The following FARS2 variants were observed in gnomAD, a reference collection of about 807,000 sequenced individuals.
FARS2 encodes the protein phenylalanyl-tRNA synthetase 2, mitochondrial, also known as phenylalanine--tRNA ligase, mitochondrial.
A neutral mutation model predicts 46.4 loss-of-function variants in FARS2; 40 were observed. The ratio of observed to expected loss-of-function variants is 0.86; its 90% CI spans 0.67 to 1.12. The LOEUF (loss-of-function observed/expected upper bound fraction) is 1.12. Ranked by LOEUF, FARS2 falls within the 50% of genes most tolerant of loss-of-function variation. The probability of loss-of-function intolerance (pLI) is 0.00; values close to 1 mark genes in which losing one functional copy is unlikely to be tolerated. For missense variants in FARS2, 513 were observed against 567.9 expected, an observed-to-expected ratio of 0.90 and a Z score of 0.98; for synonymous variants, 234 against 214.9, an observed-to-expected ratio of 1.09 and a Z score of -0.78.
chr6:5,536,782 C>T (rs1282309293), intron 4 of FARS2, among the ~76,000 whole-genome samples: 1 of 152,162 alleles, frequency 6.6e-6, no homozygotes, highest in East Asian at 1.9e-4. Context: ...CCAGGTTTCT[C>T]AGGAGAGAAT....
intron 4 of FARS2, among the ~76,000 whole-genome samples, chr6:5,537,505 C>T (rs1237915466): frequency 6.7e-6 from 1 of 148,688 alleles, no homozygotes; most frequent in African/African-American, 2.5e-5. Flanking sequence ...TGGAGATGTC[C>T]CGGGCCTCCT....
intron 1 of FARS2, among the ~76,000 whole-genome samples, chr6:5,271,813 G>A (rs187117100): frequency 2.6e-4 from 40 of 151,930 alleles, no homozygotes; most frequent in African/African-American, 8.9e-4. Flanking sequence ...TGCCCACCTC[G>A]GCCTCCCAAG....
intron 4 of FARS2, among the ~76,000 whole-genome samples, chr6:5,436,946 G>A (rs1277674681): frequency 1.3e-5 from 2 of 152,072 alleles, no homozygotes. Context: ...GATATTTAAA[G>A]TGTCCAGTTT....
intron 6 of FARS2, among the ~76,000 whole-genome samples, chr6:5,676,879 G>A (rs534041469): frequency 2.0e-5 from 3 of 152,244 alleles, no homozygotes; most frequent in Admixed American, 2.0e-4. Context: ...ACAGACTTGA[G>A]CCAACTTAAA....
At chr6:5,680,696 T>G (rs1414510279) in intron 6 of FARS2, among the ~76,000 whole-genome samples, 3 of 151,492 alleles carry the variant, frequency 2.0e-5, no homozygotes, top group African/African-American at 7.3e-5. Flanking sequence ...TAATTTTGTT[T>G]TCATGCACCT....
intron 6 of FARS2, among the ~76,000 whole-genome samples, chr6:5,614,096 AGGGCCAGGT>A (rs1215733950): frequency 6.6e-6 from 1 of 152,190 alleles, no homozygotes; most frequent in Non-Finnish European, 1.5e-5. Flanking sequence ...ATGTGTTTCC[AGGGCCAGGT>A]GGGCCTGGAA....
At chr6:5,747,863 A>G (rs372809637) in intron 6 of FARS2, among the ~76,000 whole-genome samples, 1 of 152,174 alleles carries the variant, frequency 6.6e-6, no homozygotes, top group Admixed American at 6.5e-5. Flanking sequence ...TACACCCAAG[A>G]TGCTTCTCTT....
chr6:5,580,804 C>T (rs1457812428), intron 5 of FARS2, among the ~76,000 whole-genome samples: 1 of 152,174 alleles, frequency 6.6e-6, no homozygotes, highest in African/African-American at 2.4e-5. Flanking sequence ...GCCCTCTTCA[C>T]GTCCACATTG....
At chr6:5,410,447 C>G (rs1761881247) in intron 3 of FARS2, among the ~76,000 whole-genome samples, 1 of 152,184 alleles carries the variant, frequency 6.6e-6, no homozygotes, top group Non-Finnish European at 1.5e-5. Context: ...CAGGCGTGAG[C>G]CACTGCACCT....
At chr6:5,662,688 T>C (rs1345746434) in intron 6 of FARS2, among the ~76,000 whole-genome samples, 1 of 152,234 alleles carries the variant, frequency 6.6e-6, no homozygotes, top group Non-Finnish European at 1.5e-5. Context: ...TGCAAATTAG[T>C]CAAGTGTTAA....
intron 1 of FARS2, among the ~76,000 whole-genome samples, chr6:5,328,597 C>T (rs1482181253): frequency 6.6e-6 from 1 of 151,952 alleles, no homozygotes; most frequent in Non-Finnish European, 1.5e-5. Context: ...CTCCGACATC[C>T]ACTAAGGCTA....
chr6:5,693,757 C>T lies in FARS2; in HGVS notation c.1218-77534C>T, dbSNP rs753239722. On this transcript the variant is annotated intron_variant, in intron 6 of 6. Transcript: ENST00000274680. ...CTTTACTTACACATCTGGCACTGGA[C>T]GCTGGCTGGCTGCTGGGACTTGCTG... Among the ~76,000 whole-genome samples the T allele has an allele frequency of 3.2e-4, 48 of 152,288 alleles. 1 individual carries two copies. Among genetic ancestry groups the T allele is most frequent in the Admixed American group, 8.5e-4 (13 of 15,286 alleles).
chr6:5,720,348 G>A (rs1390672527), intron 6 of FARS2, among the ~76,000 whole-genome samples: 2 of 152,170 alleles, frequency 1.3e-5, no homozygotes, highest in Non-Finnish European at 2.9e-5. Flanking sequence ...CCTAGTTAAA[G>A]CATTATGGCT....
At chr6:5,317,505 G>A (rs1009458681) in intron 1 of FARS2, among the ~76,000 whole-genome samples, 35 of 152,284 alleles carry the variant, frequency 2.3e-4, no homozygotes, top group African/African-American at 7.7e-4. Flanking sequence ...GCCAGGCTGC[G>A]TGTGGTGGTT....
At chr6:5,758,327 C>A (rs1393245863) in intron 6 of FARS2, among the ~76,000 whole-genome samples, 1 of 152,172 alleles carries the variant, frequency 6.6e-6, no homozygotes, top group Non-Finnish European at 1.5e-5. Flanking sequence ...CTTTTTCTCA[C>A]CAATTTTGGC....
At chr6:5,673,588 A>G (rs930009076) in intron 6 of FARS2, among the ~76,000 whole-genome samples, 1 of 152,130 alleles carries the variant, frequency 6.6e-6, no homozygotes, top group African/African-American at 2.4e-5. Flanking sequence ...TGCTAGTTGA[A>G]CTCATGCCAG....
intron 6 of FARS2, among the ~76,000 whole-genome samples, chr6:5,707,353 C>T (rs1003214693): frequency 2.0e-5 from 3 of 152,220 alleles, no homozygotes; most frequent in South Asian, 2.1e-4. Context: ...GGGCCTTTCA[C>T]AAGCCGCTAA....
At chr6:5,556,320 A>G (rs1771654848) in intron 5 of FARS2, among the ~76,000 whole-genome samples, 1 of 152,060 alleles carries the variant, frequency 6.6e-6, no homozygotes, top group African/African-American at 2.4e-5. Context: ...GAGTATAGAA[A>G]TCAGGGTCAT....
At chr6:5,590,855 T>TTACG (rs1308006144) in intron 5 of FARS2, among the ~76,000 whole-genome samples, 1 of 151,924 alleles carries the variant, frequency 6.6e-6, no homozygotes, top group African/African-American at 2.4e-5. Context: ...TACCTACATC[T>TTACG]TATTTTAAAT....
Sources: allele counts gnomAD v4.1 joint callset (sites outside exome capture counted in the v4.1 genomes callset), GRCh38; gene constraint gnomAD v4.1.1; transcripts MANE v1.5; gene names NCBI Gene and HGNC (gene_info 2026-07-23, HGNC 2026-07-21).